PCDH15: variants seen among roughly 807,000 people sequenced by gnomAD.
The protein encoded by PCDH15 is protocadherin-15.
PCDH15 carries 129 observed loss-of-function variants against 178.5 expected under a neutral mutation model. The ratio of observed to expected loss-of-function variants is 0.72; its 90% CI spans 0.63 to 0.84. The LOEUF (loss-of-function observed/expected upper bound fraction) is 0.84, where lower values mean the gene tolerates loss of function less well. Ranked by LOEUF, PCDH15 falls within the 40% of genes least tolerant of loss-of-function variation. PCDH15 has a pLI of 0.00. For synonymous variants in PCDH15, 800 were observed against 732.0 expected, an observed-to-expected ratio of 1.09 and a Z score of -1.50; for missense variants, 2,230 against 2,099.9, an observed-to-expected ratio of 1.06 and a Z score of -1.21.
upstream of PCDH15, among the ~76,000 whole-genome samples, chr10:55,320,141 C>T (rs1363129929): frequency 6.6e-6 from 1 of 152,180 alleles, no homozygotes; most frequent in Non-Finnish European, 1.5e-5. Context: ...CACCACATCA[C>T]TTTGTCAATG....
chr10:54,858,257 C>T lies in PCDH15; in HGVS notation c.-29+39193G>A, dbSNP rs190019852. On this transcript the variant is annotated intron_variant, in intron 3 of 5. Coordinates refer to the PCDH15 transcript ENST00000458638. ...ATGACAATTTCCTTCTTTTTGAAGG[C>T]TACATAATATTCCGTTGTGTATACA... Among the ~76,000 whole-genome samples, 8 of 152,266 alleles carry T rather than the reference C, an allele frequency of 5.3e-5. 1 individual carries two copies. The East Asian group carries it at 1.5e-3, about 29-fold the overall frequency.
At chr10:53,894,926 G>A (rs1177632999) in intron 26 of PCDH15, among the ~76,000 whole-genome samples, 2 of 152,162 alleles carry the variant, frequency 1.3e-5, no homozygotes, top group East Asian at 1.9e-4. Context: ...CACTGGAAAC[G>A]TGGTTGAGCT....
intron 2 of PCDH15, among the ~76,000 whole-genome samples, chr10:55,453,720 C>A (rs1413937896): frequency 2.0e-5 from 3 of 152,096 alleles, no homozygotes; most frequent in Non-Finnish European, 2.9e-5. Flanking sequence ...CAAGTGACTG[C>A]AAACACTCTC....
chr10:53,888,088 A>T (rs1333376917), intron 26 of PCDH15, among the ~76,000 whole-genome samples: 2 of 151,454 alleles, frequency 1.3e-5, no homozygotes, highest in East Asian at 3.9e-4. Context: ...TATATAGTTT[A>T]AAAAATGCTA....
intron 1 of PCDH15, among the ~76,000 whole-genome samples, chr10:54,723,810 A>G (rs1320084511): frequency 6.6e-6 from 1 of 151,832 alleles, no homozygotes; most frequent in Non-Finnish European, 1.5e-5. Flanking sequence ...AGTAATCATC[A>G]GAGAAATGCA....
chr10:54,686,100 C>G (rs2094999104), intron 1 of PCDH15, among the ~76,000 whole-genome samples: 1 of 134,634 alleles, frequency 7.4e-6, no homozygotes, highest in Non-Finnish European at 1.5e-5. Context: ...GTTGGTCAGG[C>G]TAGTCTTGTA....
At chr10:54,353,651 G>GTT (rs35280504) in intron 5 of PCDH15, among the ~76,000 whole-genome samples, 8,144 of 151,328 alleles carry the variant, frequency 0.054, 249 homozygotes, top group Admixed American at 0.099. Flanking sequence ...TCAACTTAAT[G>GTT]TTTTTTTTGT....
At chr10:54,490,955 A>C (rs2079535118) in intron 3 of PCDH15, among the ~76,000 whole-genome samples, 1 of 152,166 alleles carries the variant, frequency 6.6e-6, no homozygotes, top group African/African-American at 2.4e-5. Context: ...CTTTAATGGC[A>C]TTGGGTGGTG....
At chr10:54,430,545 A>T (rs1219862) in intron 3 of PCDH15, among the ~76,000 whole-genome samples, 1 of 151,922 alleles carries the variant, frequency 6.6e-6, no homozygotes, top group Non-Finnish European at 1.5e-5. Context: ...TTGAATGACC[A>T]TCCAGTGTTT....
chr10:54,616,191 G>T (rs979397431), intron 2 of PCDH15, among the ~76,000 whole-genome samples: 5 of 152,002 alleles, frequency 3.3e-5, no homozygotes, highest in African/African-American at 9.7e-5. Context: ...CAACATTCAG[G>T]TTTCTGCTGT....
At chr10:54,517,653 G>A (rs2082371549) in intron 3 of PCDH15, among the ~76,000 whole-genome samples, 1 of 152,060 alleles carries the variant, frequency 6.6e-6, no homozygotes, top group African/African-American at 2.4e-5. Flanking sequence ...ACAGATCAAT[G>A]AGACAGAAAG....
chr10:55,062,993 G>A (rs1477698221), intron 2 of PCDH15, among the ~76,000 whole-genome samples: 1 of 152,072 alleles, frequency 6.6e-6, no homozygotes, highest in Non-Finnish European at 1.5e-5. Flanking sequence ...ACAACCCTAT[G>A]AAATACATAT....
At chr10:54,334,602 T>C (rs1025845355) in intron 6 of PCDH15, among the ~76,000 whole-genome samples, 11 of 152,146 alleles carry the variant, frequency 7.2e-5, no homozygotes, top group Non-Finnish European at 1.6e-4. Context: ...TTCACACCTA[T>C]GTTGTAAGCA....
intron 1 of PCDH15, among the ~76,000 whole-genome samples, chr10:55,293,192 T>C (rs900463213): frequency 6.6e-6 from 1 of 152,158 alleles, no homozygotes; most frequent in South Asian, 2.1e-4. Flanking sequence ...CCTGAAGCCA[T>C]GGCTTGAGCT....
intron 2 of PCDH15, among the ~76,000 whole-genome samples, chr10:54,969,720 G>A (rs1196923675): frequency 6.6e-6 from 1 of 152,152 alleles, no homozygotes; most frequent in African/African-American, 2.4e-5. Context: ...TAGCTCAAAA[G>A]TATCTTCAGG....
At chr10:54,098,763 G>A (rs1342680737) in intron 15 of PCDH15, among the ~76,000 whole-genome samples, 2 of 151,952 alleles carry the variant, frequency 1.3e-5, no homozygotes, top group East Asian at 3.9e-4. Flanking sequence ...CTACTTATTC[G>A]TGGCTATTGA....
At chr10:54,323,633 A>G (rs1443378143) in intron 7 of PCDH15, among the ~76,000 whole-genome samples, 3 of 152,132 alleles carry the variant, frequency 2.0e-5, no homozygotes, top group Non-Finnish European at 2.9e-5. Context: ...TAAATACTAC[A>G]TAATATCAGT....
At chr10:55,570,307 A>C (rs1446347446) in intron 2 of PCDH15, among the ~76,000 whole-genome samples, 1 of 152,006 alleles carries the variant, frequency 6.6e-6, no homozygotes, top group Non-Finnish European at 1.5e-5. Context: ...TACAGAGAAA[A>C]ATATTTTATA....
intron 1 of PCDH15, among the ~76,000 whole-genome samples, chr10:55,275,978 A>AT (rs1237190512): frequency 1.3e-5 from 2 of 151,050 alleles, no homozygotes; most frequent in East Asian, 3.9e-4. Context: ...TAAAATATAT[A>AT]TTTTTCTAGG....
Sources: gnomAD v4.1 joint callset for allele counts (sites outside exome capture counted in the v4.1 genomes callset) on GRCh38, gnomAD v4.1.1 for gene constraint, MANE v1.5 for transcripts, NCBI Gene and HGNC (gene_info 2026-07-23, HGNC 2026-07-21) for gene names.